The following CAPN13 variants were observed in gnomAD, a reference collection of about 807,000 sequenced individuals.
The protein encoded by CAPN13 is calpain 13, also known as calpain-13.
In CAPN13, 90 loss-of-function variants were observed where a neutral mutation model predicts 98.4. The observed-to-expected ratio is 0.92, with a 90% CI of 0.77 to 1.09. CAPN13 has a LOEUF of 1.09. Among genes scored for constraint, CAPN13 ranks in the 50% least tolerant of loss-of-function variants. CAPN13 has a pLI of 0.00. For synonymous variants in CAPN13, 330 were observed against 305.5 expected, an observed-to-expected ratio of 1.08 and a Z score of -0.84; for missense variants, 887 against 841.3, an observed-to-expected ratio of 1.05 and a Z score of -0.67.
intron 22 of CAPN13, among the ~76,000 whole-genome samples, chr2:30,724,517 C>A (rs921782891): frequency 6.6e-6 from 1 of 152,208 alleles, no homozygotes; most frequent in Non-Finnish European, 1.5e-5. Flanking sequence ...AGTGTTGGAT[C>A]TTCTGTTTCC....
intron 5 of CAPN13, among the ~76,000 whole-genome samples, chr2:30,769,144 C>G (rs1413870200): frequency 6.6e-6 from 1 of 152,168 alleles, no homozygotes; most frequent in African/African-American, 2.4e-5. Flanking sequence ...GTGTACCCAC[C>G]CATTGTACCC....
At position 30,748,408 on chromosome 2, in the gene CAPN13, C is replaced by T. The variant is rs549005856; in HGVS notation, c.1237-2674G>A. On this transcript the variant is annotated intron_variant, in intron 11 of 22. Coordinates refer to ENST00000295055, the MANE Select transcript of CAPN13 (RefSeq NM_144575.3). ...TGCTTCTTGGAAGGACAGCTCACAA[C>T]GTCGATGGGATGCTAGAAAATGCAG... 1.5e-3 allele frequency among the ~76,000 whole-genome samples: 236 copies of T among 152,296 alleles called. 1 individual carries two copies. Among genetic ancestry groups the T allele is most frequent in the African/African-American group, 5.2e-3 (216 of 41,554 alleles).
chr2:30,734,927 T>C (rs893622938), intron 18 of CAPN13, among the ~76,000 whole-genome samples: 2 of 152,242 alleles, frequency 1.3e-5, no homozygotes, highest in African/African-American at 4.8e-5. Flanking sequence ...TTAATCTTCC[T>C]AGGCCTCAGT....
intron 13 of CAPN13, 29 bp from the exon 14 acceptor site, chr2:30,742,388 G>C: frequency 6.3e-7 from 1 of 1,597,412 alleles, no homozygotes; most frequent in Non-Finnish European, 8.5e-7. Flanking sequence ...GTGTGACAAA[G>C]ATGACCAGCT....
intron 5 of CAPN13, among the ~76,000 whole-genome samples, chr2:30,764,589 C>T (rs527334332): frequency 6.6e-6 from 1 of 152,292 alleles, no homozygotes; most frequent in South Asian, 2.1e-4. Flanking sequence ...GTGCTGGAGG[C>T]ACAGGTTGAA....
chr2:30,800,116 A>AAAAG (rs60233900), intron 1 of CAPN13, among the ~76,000 whole-genome samples: 15,189 of 85,382 alleles, frequency 0.18, 2,287 homozygotes, highest in Admixed American at 0.19. Context: ...GAAAAGAAAG[A>AAAAG]AAAGAAAGAA....
intron 11 of CAPN13, among the ~76,000 whole-genome samples, chr2:30,750,887 G>C (rs377031524): frequency 6.6e-6 from 1 of 152,204 alleles, no homozygotes; most frequent in African/African-American, 2.4e-5. Context: ...ACGGGCAGGA[G>C]GTGAGTCCCA....
chr2:30,746,088 G>A (rs1254724412), intron 11 of CAPN13, among the ~76,000 whole-genome samples: 4 of 151,806 alleles, frequency 2.6e-5, no homozygotes, highest in African/African-American at 4.8e-5. Flanking sequence ...TAGTAGAGAC[G>A]GGGTTTCACC....
intron 1 of CAPN13, among the ~76,000 whole-genome samples, chr2:30,801,336 C>T (rs1381862213): frequency 1.3e-5 from 2 of 152,010 alleles, no homozygotes; most frequent in Non-Finnish European, 2.9e-5. Flanking sequence ...TGGATGAGTA[C>T]TGGGCACGGT....
chr2:30,766,121 G>A (rs1383081511), intron 5 of CAPN13, among the ~76,000 whole-genome samples: 1 of 152,204 alleles, frequency 6.6e-6, no homozygotes, highest in African/African-American at 2.4e-5. Context: ...TTCCCCACCA[G>A]TGCTACCTCC....
chr2:30,791,779 T>C (rs1022626303), intron 1 of CAPN13, among the ~76,000 whole-genome samples: 2 of 152,224 alleles, frequency 1.3e-5, no homozygotes, highest in Non-Finnish European at 2.9e-5. Context: ...GTTGAAAAAT[T>C]AAATAAGAAA....
Position 30,751,269 on chromosome 2 carries a change from G to A in CAPN13, c.1088-18C>T. The A allele has an allele frequency of 6.2e-7, 1 of 1,612,826 alleles. No homozygotes were observed. Among genetic ancestry groups the A allele is most frequent in the Middle Eastern group, 1.7e-4 (1 of 6,060 alleles). ...AGGTCCTCCTGCATCAGAAAGAGCT[G>A]TTACTAGAGCTCAGCTCCACTCCTG... On this transcript the variant is annotated intron_variant, in intron 10 of 22. Transcript: ENST00000295055.
chr2:30,769,337 T>A (rs1673270542), intron 5 of CAPN13, among the ~76,000 whole-genome samples: 1 of 152,126 alleles, frequency 6.6e-6, no homozygotes. Context: ...CCCGTGCTGT[T>A]GGAGGGTCCT....
At chr2:30,725,724 G>A (rs1211629856) in intron 22 of CAPN13, among the ~76,000 whole-genome samples, 1 of 152,172 alleles carries the variant, frequency 6.6e-6, no homozygotes, top group Admixed American at 6.5e-5. Flanking sequence ...ACCTCAGAGT[G>A]TTGGAACTCC....
At chr2:30,806,747 T>C (rs1443466673) in intron 1 of CAPN13, among the ~76,000 whole-genome samples, 1 of 152,234 alleles carries the variant, frequency 6.6e-6, no homozygotes, top group Middle Eastern at 3.2e-3. Context: ...TAGAGGCATA[T>C]AGGAACCTCC....
intron 15 of CAPN13, 101 bp downstream of exon 15, chr2:30,741,807 T>G: frequency 6.3e-7 from 1 of 1,588,070 alleles, no homozygotes; most frequent in Non-Finnish European, 8.6e-7. Context: ...ATCAAGTCAC[T>G]TCTCCTCTCT....
Position 30,798,119 on chromosome 2 carries a change from A to C in CAPN13, c.-33+9183T>G, listed in dbSNP as rs182841602. On this transcript the variant is annotated intron_variant, in intron 1 of 22. Transcript: ENST00000295055. ...ATCTGTGCTGTCTAATACAGTGGCCACTGGCCATACGTAGCTATTGAGCAC... is the reference window on the plus strand; with the variant it reads ...ATCTGTGCTGTCTAATACAGTGGCCCCTGGCCATACGTAGCTATTGAGCAC... 3.3e-5 allele frequency among the ~76,000 whole-genome samples: 5 copies of C among 152,380 alleles called. No individual in the cohort carries two copies. The East Asian group carries it at 9.6e-4, about 29-fold the overall frequency.
chr2:30,728,100 A>G (rs1415721235), intron 22 of CAPN13, among the ~76,000 whole-genome samples: 2 of 151,558 alleles, frequency 1.3e-5, no homozygotes, highest in African/African-American at 4.9e-5. Context: ...TGTCCAGAAT[A>G]GGCAAACTTA....
Position 30,728,236 on chromosome 2 carries a change from A to C in CAPN13, c.*30+2494T>G, listed in dbSNP as rs530322322. ...TTTGTGGTGATAAAAATGTTCTAAC[A>C]ATCATATTGTGGTGATTGTTGCACA... On this transcript the variant is annotated intron_variant, in intron 22 of 22. Transcript: ENST00000295055. Among the ~76,000 whole-genome samples, 17 of 151,288 alleles carry C rather than the reference A, an allele frequency of 1.1e-4. No homozygotes were observed. The South Asian group carries it at 3.0e-3, about 26-fold the overall frequency.
Sources: allele counts gnomAD v4.1 joint callset (sites outside exome capture counted in the v4.1 genomes callset), GRCh38; gene constraint gnomAD v4.1.1; transcripts MANE v1.5; gene names NCBI Gene and HGNC (gene_info 2026-07-23, HGNC 2026-07-21).